The following CHST15 variants were observed in gnomAD, a reference collection of about 807,000 sequenced individuals.
CHST15 encodes the protein B cell RAG associated protein (GALNAC4S-6ST).
A neutral mutation model predicts 53.6 loss-of-function variants in CHST15; 30 were observed. The observed-to-expected ratio is 0.56, with a 90% CI of 0.42 to 0.76. The LOEUF is 0.76. CHST15 is among the 30% of genes least tolerant of loss of function. The pLI is 0.00. For missense variants in CHST15, 627 were observed against 740.5 expected, an observed-to-expected ratio of 0.85 and a Z score of 1.78; for synonymous variants, 296 against 289.8, an observed-to-expected ratio of 1.02 and a Z score of -0.22.
rs556363571 is a variant in CHST15 at position 124,015,351 on chromosome 10, C to T, written c.1348-2871G>A. 9.8e-4 allele frequency among the ~76,000 whole-genome samples: 146 copies of T among 149,592 alleles called. 1 individual carries two copies. The highest frequency in any genetic ancestry group is 8.5e-3 in the South Asian group (39 of 4,582). Reference sequence around the variant, plus strand: ...GCTGCAAGAAGCCTTTGAAGTTAACCGTGCCAGCTGATTCACCAATAGAAA... The same window carrying T: ...GCTGCAAGAAGCCTTTGAAGTTAACTGTGCCAGCTGATTCACCAATAGAAA... On this transcript the variant is annotated intron_variant, in intron 6 of 7. Coordinates refer to ENST00000435907, the MANE Select transcript of CHST15 (RefSeq NM_001270764.2).
intron 5 of CHST15, among the ~76,000 whole-genome samples, chr10:124,021,709 T>G (rs1420434639): frequency 2.0e-5 from 3 of 152,126 alleles, no homozygotes; most frequent in Non-Finnish European, 4.4e-5. Flanking sequence ...GTTTTCACAG[T>G]AACAGGGAGC....
intron 6 of CHST15, chr10:124,020,247 C>T (rs993425100): frequency 1.0e-6 from 1 of 985,408 alleles, no homozygotes; most frequent in African/African-American, 1.7e-5. Context: ...AACTGAGTCT[C>T]AGAAAGGCTG....
intron 1 of CHST15, among the ~76,000 whole-genome samples, chr10:124,070,031 C>T (rs28638184): frequency 0.43 from 65,120 of 152,112 alleles, 15,712 homozygotes; most frequent in African/African-American, 0.66. Flanking sequence ...CCCCCCAGCA[C>T]GTTGTCAGGA....
intron 5 of CHST15, among the ~76,000 whole-genome samples, chr10:124,029,839 C>G (rs1411074047): frequency 2.0e-5 from 3 of 152,344 alleles, no homozygotes; most frequent in African/African-American, 7.2e-5. Context: ...CAGCCCAGAA[C>G]TCCGGGTGAG....
At position 124,019,670 on chromosome 10, in the gene CHST15, C is replaced by G. The variant is rs1490119282; in HGVS notation, c.1347+1586G>C. 1 of 630,548 alleles carries G rather than the reference C, an allele frequency of 1.6e-6. No homozygotes were observed. The allele number at this position is 630,548 out of a possible 1,614,324, so 39.1% of individuals were successfully genotyped here. Reference sequence around the variant, plus strand: ...AGTATGTGTGCTTTCTCGCGTTAGTCTTTTATTATAGGTGCCTCAGCCATG... The same window carrying G: ...AGTATGTGTGCTTTCTCGCGTTAGTGTTTTATTATAGGTGCCTCAGCCATG... On this transcript the variant is annotated intron_variant, in intron 6 of 7. Coordinates refer to ENST00000435907, the MANE Select transcript of CHST15 (RefSeq NM_001270764.2). The surrounding 1 kb of genome is among the most constrained non-coding windows in gnomAD (Gnocchi z 4.6).
chr10:124,050,011 G>C (rs1948135338), intron 1 of CHST15, among the ~76,000 whole-genome samples: 1 of 152,116 alleles, frequency 6.6e-6, no homozygotes, highest in Non-Finnish European at 1.5e-5. Context: ...TGCTGGTGTT[G>C]GAAAATACCC....
At chr10:124,070,052 T>G (rs1948865381) in intron 1 of CHST15, among the ~76,000 whole-genome samples, 1 of 152,180 alleles carries the variant, frequency 6.6e-6, no homozygotes, top group South Asian at 2.1e-4. Flanking sequence ...ACAAATGATA[T>G]AGCCTGGCTG....
chr10:124,047,520 T>C (rs1033473047), intron 1 of CHST15, among the ~76,000 whole-genome samples: 7 of 152,172 alleles, frequency 4.6e-5, no homozygotes, highest in Non-Finnish European at 1.0e-4. Context: ...ATGACACTTC[T>C]TTGTAGATGT....
intron 1 of CHST15, among the ~76,000 whole-genome samples, chr10:124,072,353 G>A (rs181069843): frequency 1.4e-4 from 21 of 152,196 alleles, no homozygotes; most frequent in Middle Eastern, 3.4e-3. Flanking sequence ...ACCTGCATTC[G>A]GAGTTCTCCT....
chr10:124,089,487 T>G (rs1189073917), intron 1 of CHST15, among the ~76,000 whole-genome samples: 1 of 152,134 alleles, frequency 6.6e-6, no homozygotes, highest in Non-Finnish European at 1.5e-5. Flanking sequence ...CTAAGAGGCC[T>G]CAGCCCAGTA....
chr10:124,045,568 A>G, intron 2 of CHST15, 99 bp downstream of exon 2: 1 of 1,175,424 alleles, frequency 8.5e-7, no homozygotes. Flanking sequence ...GACATTTTTT[A>G]GTCATTTTCC....
In CHST15 at chr10:124,008,331, CCACACGTGCGCGTACACACACA is replaced by C; in HGVS notation, c.*1796_*1817del. 2 of 1,088,400 alleles carry C rather than the reference CCACACGTGCGCGTACACACACA, an allele frequency of 1.8e-6. No individual in the cohort carries two copies. The highest frequency in any genetic ancestry group is 9.0e-5 in the South Asian group (2 of 22,182). 67.4% of individuals were successfully genotyped at this position (1,088,400 alleles called of 1,614,324 possible). A position where few individuals can be genotyped will look rare whatever the true frequency, so the allele number is the denominator to read the frequency against. Reference sequence around the variant, plus strand: ...GAACCCACTCAGAAGACGCACTCACCCACACGTGCGCGTACACACACACACACGCGCGCACTGTACTGCAAAT... The same window carrying C: ...GAACCCACTCAGAAGACGCACTCACCCACACGCGCGCACTGTACTGCAAAT... On this transcript the variant is annotated 3_prime_UTR_variant, in exon 8 of 8. Coordinates refer to ENST00000435907, the MANE Select transcript of CHST15 (RefSeq NM_001270764.2).
chr10:124,031,009 A>C (rs1388729387), intron 5 of CHST15, among the ~76,000 whole-genome samples: 2 of 152,138 alleles, frequency 1.3e-5, no homozygotes, highest in African/African-American at 4.8e-5. Flanking sequence ...GCTTTGCAAA[A>C]CTGGGGAGCC....
At chr10:124,089,626 G>T (rs1410412626) in intron 1 of CHST15, among the ~76,000 whole-genome samples, 1 of 152,076 alleles carries the variant, frequency 6.6e-6, no homozygotes, top group Non-Finnish European at 1.5e-5. Flanking sequence ...CTGTTCAGGG[G>T]GTGGGTGCCT....
Position 124,007,683 on chromosome 10 carries a change from G to A in CHST15, c.*2466C>T. On this transcript the variant is annotated 3_prime_UTR_variant, in exon 8 of 8. Coordinates refer to ENST00000435907, the MANE Select transcript of CHST15 (RefSeq NM_001270764.2). The stretch of plus-strand genomic sequence containing the variant: ...CAGGAAGAGCTTGGCTGCAGAGGAA[G>A]AGCACGCGCTCCACAGGCGTCACTC... 1 of 1,218,714 alleles carries A rather than the reference G, an allele frequency of 8.2e-7. No individual in the cohort carries two copies. Among genetic ancestry groups the A allele is most frequent in the Non-Finnish European group, 1.0e-6 (1 of 980,628 alleles). The allele number at this position is 1,218,714 out of a possible 1,614,324, so 75.5% of individuals were successfully genotyped here. A position where few individuals can be genotyped will look rare whatever the true frequency, so the allele number is the denominator to read the frequency against.
chr10:124,042,289 C>G lies in CHST15; in HGVS notation c.1033+12G>C. 2 of 1,604,834 alleles carry G rather than the reference C, an allele frequency of 1.2e-6. No individual in the cohort carries two copies. The highest frequency in any genetic ancestry group is 1.7e-6 in the Non-Finnish European group (2 of 1,172,282). The stretch of plus-strand genomic sequence containing the variant: ...GGGTGCTAGCCCTGCCAGAGTGACA[C>G]AGACGCCTTACCGATAATGATTGTA... On this transcript the variant is annotated intron_variant, in intron 4 of 7. Coordinates refer to ENST00000435907, the MANE Select transcript of CHST15 (RefSeq NM_001270764.2).
chr10:124,016,663 C>A (rs1017364788), intron 6 of CHST15, among the ~76,000 whole-genome samples: 21 of 152,306 alleles, frequency 1.4e-4, no homozygotes, highest in African/African-American at 5.1e-4. Context: ...AGGATTGAAC[C>A]TTGAGCCTGC....
chr10:124,044,938 G>T lies in CHST15; in HGVS notation c.547-19C>A. ...AAAACATCTGCAAGGAAACAGAGGAGGAGAGACACAGAGGAGGGGAAAATG... is the reference window on the plus strand; with the variant it reads ...AAAACATCTGCAAGGAAACAGAGGATGAGAGACACAGAGGAGGGGAAAATG... On this transcript the variant is annotated intron_variant, in intron 2 of 7. Transcript: ENST00000435907. 1 of 1,423,098 alleles carries T rather than the reference G, an allele frequency of 7.0e-7. No individual in the cohort carries two copies. Among genetic ancestry groups the T allele is most frequent in the Non-Finnish European group, 9.2e-7 (1 of 1,082,234 alleles). 88.2% of individuals were successfully genotyped at this position (1,423,098 alleles called of 1,614,324 possible). A position where few individuals can be genotyped will look rare whatever the true frequency, so the allele number is the denominator to read the frequency against.
chr10:124,013,040 C>A (rs1350052156), intron 6 of CHST15, among the ~76,000 whole-genome samples: 1 of 152,202 alleles, frequency 6.6e-6, no homozygotes, highest in Admixed American at 6.5e-5. Context: ...TTTCCAGTAC[C>A]CATTTCCCGG....
Sources: gnomAD v4.1 joint callset for allele counts (sites outside exome capture counted in the v4.1 genomes callset) on GRCh38, gnomAD v4.1.1 for gene constraint, Gnocchi (gnomAD v3.1) non-coding constraint, MANE v1.5 for transcripts, NCBI Gene and HGNC (gene_info 2026-07-23, HGNC 2026-07-21) for gene names.